The following HIPK2 variants were observed in gnomAD, a reference collection of about 807,000 sequenced individuals.
HIPK2 encodes homeodomain-interacting protein kinase 2.
HIPK2 carries 27 observed loss-of-function variants against 113.7 expected under a neutral mutation model. That is an observed-to-expected ratio of 0.24 (90% CI 0.17 to 0.33). The LOEUF is 0.33. Among genes scored for constraint, HIPK2 ranks in the 10% least tolerant of loss-of-function variants. The pLI is 1.00. For synonymous variants in HIPK2, 631 were observed against 642.2 expected (o/e 0.98, Z 0.26); for missense variants, 1,257 against 1,588.0 (o/e 0.79, Z 3.54).
At chr7:139,584,624 A>G (rs958138503) in intron 12 of HIPK2, among the ~76,000 whole-genome samples, 2 of 152,272 alleles carry the variant, frequency 1.3e-5, no homozygotes, top group African/African-American at 4.8e-5. Context: ...CACACAGCAC[A>G]GTGCAGACAT....
At chr7:139,660,393 A>AT (rs1801827840) in intron 2 of HIPK2, among the ~76,000 whole-genome samples, 1 of 152,218 alleles carries the variant, frequency 6.6e-6, no homozygotes, top group African/African-American at 2.4e-5. Flanking sequence ...ACCACAGGAC[A>AT]TTTGCTTTTC....
intron 2 of HIPK2, among the ~76,000 whole-genome samples, chr7:139,667,156 GTATCA>G (rs1210848475): frequency 6.6e-6 from 1 of 151,592 alleles, no homozygotes; most frequent in East Asian, 1.9e-4. Context: ...TGTAATCATA[GTATCA>G]TATAATTTTG....
At chr7:139,772,340 C>T (rs1035912779) in intron 1 of HIPK2, among the ~76,000 whole-genome samples, 9 of 152,294 alleles carry the variant, frequency 5.9e-5, no homozygotes, top group South Asian at 4.1e-4. Context: ...ACAAAGCCTA[C>T]GACACACCAA....
At position 139,614,473 on chromosome 7, in the gene HIPK2, G is replaced by A. The variant is rs757512097; in HGVS notation, c.1803C>T (p.Ala601=). The A allele has an allele frequency of 2.8e-6, 4 of 1,442,434 alleles. No homozygotes were observed. Among genetic ancestry groups the A allele is most frequent in the Admixed American group, 4.7e-5 (2 of 42,436 alleles). The allele number at this position is 1,442,434 out of a possible 1,614,324, so 89.4% of individuals were successfully genotyped here. ...CTTCGGGATTGGCTAAGGAAATAGT[G>A]GCACTGGTAGAGGAGGGAGCCTAAA... ...VHNQAPSSTS[A]TISLANPEVS... The change falls in exon 8 of 15, where the codon GCC becomes GCT. Residue 601 remains alanine, a synonymous_variant. Coordinates refer to ENST00000406875, the MANE Select transcript of HIPK2 (RefSeq NM_022740.5).
At chr7:139,704,081 T>C (rs1306756869) in intron 2 of HIPK2, among the ~76,000 whole-genome samples, 26 of 42,992 alleles carry the variant, frequency 6.0e-4, no homozygotes, top group Admixed American at 1.7e-3. Flanking sequence ...ATGCACCCCC[T>C]CCACACCCGC....
rs1384143510 is a variant in HIPK2 at position 139,661,164 on chromosome 7, CA to C, written c.1104-29440del. ...TTAACTACTAGCCCTTAAAAATCCT[CA>C]TTATTTAACAACCAGCTCCTGCAAG... On this transcript the variant is annotated intron_variant, in intron 2 of 14. Transcript: ENST00000406875. Among the ~76,000 whole-genome samples, 4 of 152,058 alleles carry C rather than the reference CA, an allele frequency of 2.6e-5. No individual in the cohort carries two copies. The East Asian group carries it at 7.7e-4, about 29-fold the overall frequency.
intron 9 of HIPK2, among the ~76,000 whole-genome samples, chr7:139,608,252 C>CGTGTGT (rs55989071): frequency 0.098 from 13,434 of 136,844 alleles, 782 homozygotes; most frequent in African/African-American, 0.15. Context: ...CAAAAAAATA[C>CGTGTGT]GTGTGTGTGT....
Position 139,563,101 on chromosome 7 carries a change from GCTGACGGGAACAT to G in HIPK2, c.*9813_*9825del, listed in dbSNP as rs1797993471. 6.6e-6 allele frequency: 1 copy of G among 150,798 alleles called. No homozygotes were observed. Among genetic ancestry groups the G allele is most frequent in the African/African-American group, 2.5e-5 (1 of 40,800 alleles). The allele number at this position is 150,798 out of a possible 1,614,324, so 9.3% of individuals were successfully genotyped here. A position where few individuals can be genotyped will look rare whatever the true frequency, so the allele number is the denominator to read the frequency against. On this transcript the variant is annotated 3_prime_UTR_variant, in exon 15 of 15. Transcript: ENST00000406875. The stretch of plus-strand genomic sequence containing the variant: ...GGGGGACCGACTGACTCAGGGCAGC[GCTGACGGGAACAT>G]CTGCTTGGGGTGGGGCGGGGCGGGG...
rs184343231 is a variant in HIPK2 at position 139,609,873 on chromosome 7, C to T, written c.2112+3329G>A. ...CTGCATGTCAAGACACAAAGGTCTA[C>T]CATGTTCTTTTAATGGCTACATGGT... On this transcript the variant is annotated intron_variant, in intron 9 of 14. Transcript: ENST00000406875. Among the ~76,000 whole-genome samples, 83 of 152,300 alleles carry T rather than the reference C, an allele frequency of 5.4e-4. 2 individuals are homozygous for T. The East Asian group carries it at 0.013, about 24-fold the overall frequency.
chr7:139,660,276 G>C (rs1010071389), intron 2 of HIPK2, among the ~76,000 whole-genome samples: 3 of 152,130 alleles, frequency 2.0e-5, no homozygotes, highest in Non-Finnish European at 2.9e-5. Flanking sequence ...ACTAAGAAAA[G>C]TAAAAACAAC....
In HIPK2 at chr7:139,716,316, C is replaced by T. The variant is rs375404752; in HGVS notation, c.719G>A (p.Gly240Asp). ...LKNHPSYARQGQIEVSILARL... is the reference protein window; with the variant it reads ...LKNHPSYARQDQIEVSILARL... ...GGCCAGGATGCTCACTTCAATCTGA[C>T]CTTGTCGGGCATAGGATGGGTGGTT... Residue 240 changes from glycine to aspartate, a missense_variant, in exon 2 of 15, where the codon GGT (glycine) becomes GAT (aspartate). Gly to Asp is a moderately conservative substitution (Grantham distance 94, BLOSUM62 -1). Transcript: ENST00000406875. The surrounding 1 kb of genome is among the most constrained non-coding windows in gnomAD (Gnocchi z 9.3). The T allele has an allele frequency of 1.2e-6, 2 of 1,614,152 alleles. No individual in the cohort carries two copies. Among genetic ancestry groups the T allele is most frequent in the Non-Finnish European group, 1.7e-6 (2 of 1,180,032 alleles).
At chr7:139,681,871 C>A (rs1414528734) in intron 2 of HIPK2, among the ~76,000 whole-genome samples, 1 of 152,202 alleles carries the variant, frequency 6.6e-6, no homozygotes, top group Non-Finnish European at 1.5e-5. Flanking sequence ...TGTCCACTGA[C>A]TGGGGGCCCT....
intron 2 of HIPK2, among the ~76,000 whole-genome samples, chr7:139,676,430 C>T (rs1802496650): frequency 1.3e-5 from 2 of 152,202 alleles, no homozygotes. Context: ...CCTCTGCCCG[C>T]CTCACAGATT....
In HIPK2 at chr7:139,777,262, A is replaced by C. The variant is rs966031712; in HGVS notation, c.19+343T>G. ...GAAAGGTAATGTGGGGGGGCGGTGG[A>C]AGCTAAGCCGCATCACCTTCATTTA... On this transcript the variant is annotated intron_variant, in intron 1 of 14. Transcript: ENST00000406875. 2.6e-5 allele frequency: 4 copies of C among 152,390 alleles called. No homozygotes were observed. The East Asian group carries it at 7.8e-4, about 30-fold the overall frequency. The allele number at this position is 152,390 out of a possible 1,614,324, so 9.4% of individuals were successfully genotyped here. A position where few individuals can be genotyped will look rare whatever the true frequency, so the allele number is the denominator to read the frequency against.
At chr7:139,583,174 C>T (rs534702989) in intron 13 of HIPK2, among the ~76,000 whole-genome samples, 84 of 152,220 alleles carry the variant, frequency 5.5e-4, no homozygotes, top group Non-Finnish European at 8.8e-4. Flanking sequence ...AAGGGAAACG[C>T]TAAATAGATG....
At chr7:139,583,739 G>A (rs1798743301) in intron 13 of HIPK2, 78 bp downstream of exon 13, 1 of 1,552,046 alleles carries the variant, frequency 6.4e-7, no homozygotes, top group Non-Finnish European at 8.7e-7. Context: ...CTCCCATACA[G>A]CAACATTTCT....
intron 2 of HIPK2, among the ~76,000 whole-genome samples, chr7:139,644,959 C>T (rs1012170927): frequency 1.3e-5 from 2 of 152,228 alleles, no homozygotes; most frequent in Non-Finnish European, 2.9e-5. Context: ...AAGAAAGTAA[C>T]ATCACTTATG....
rs578200225 is a variant in HIPK2, at chr7:139,653,953, A to G, written c.1104-22228T>C. Among the ~76,000 whole-genome samples, 354 of 152,174 alleles carry G rather than the reference A, an allele frequency of 2.3e-3. 1 individual carries two copies. The highest frequency in any genetic ancestry group is 7.8e-3 in the African/African-American group (324 of 41,548). ...TCACCATCTTTGCCAGGCTGGTCTC[A>G]AACTCCTGACCTCAAGTGATCTGCC... is the stretch of plus-strand genomic sequence containing the variant. On this transcript the variant is annotated intron_variant, in intron 2 of 14. Transcript: ENST00000406875.
Position 139,573,227 on chromosome 7 carries a change from C to T in HIPK2, c.3297G>A (p.Gln1099=). ...AAAAAAHLPT[Q]PHLYTYTAPA... is the part of the protein sequence containing the mutation. Reference sequence around the variant, plus strand: ...GCGCAGTGTAGGTGTAGAGGTGGGGCTGGGTGGGGAGGTGGGCAGCGGCAG... The same window carrying T: ...GCGCAGTGTAGGTGTAGAGGTGGGGTTGGGTGGGGAGGTGGGCAGCGGCAG... Residue 1099 remains glutamine (Q), a synonymous_variant, in exon 15 of 15, where the codon CAG becomes CAA. Coordinates refer to ENST00000406875, the MANE Select transcript of HIPK2 (RefSeq NM_022740.5). 2 of 1,573,496 alleles carry T rather than the reference C, an allele frequency of 1.3e-6. No homozygotes were observed. Among genetic ancestry groups the T allele is most frequent in the South Asian group, 1.1e-5 (1 of 90,620 alleles).
Sources: gnomAD v4.1 joint callset for allele counts (sites outside exome capture counted in the v4.1 genomes callset) on GRCh38, gnomAD v4.1.1 for gene constraint, Gnocchi (gnomAD v3.1) non-coding constraint, MANE v1.5 for transcripts, NCBI Gene and HGNC (gene_info 2026-07-23, HGNC 2026-07-21) for gene names.